The following ECPAS variants were observed in gnomAD, a reference collection of about 807,000 sequenced individuals.
ECPAS encodes the protein proteasome adapter and scaffold protein ECM29.
ECPAS carries 70 observed loss-of-function variants against 255.1 expected under a neutral mutation model. The observed-to-expected ratio is 0.27, with a 90% confidence interval of 0.23 to 0.33. The LOEUF (loss-of-function observed/expected upper bound fraction) is 0.33, where lower values mean the gene tolerates loss of function less well. ECPAS is among the 10% of genes least tolerant of loss of function. The pLI, the probability that ECPAS is intolerant of heterozygous loss-of-function variation, is 1.00. For missense variants in ECPAS, 1,817 were observed against 2,206.4 expected, an observed-to-expected ratio of 0.82 and a Z score of 3.54; for synonymous variants, 784 against 775.0, an observed-to-expected ratio of 1.01 and a Z score of -0.19.
At position 111,414,551 on chromosome 9, in the gene ECPAS, C is replaced by T. The variant is rs556215994; in HGVS notation, c.1865G>A (p.Arg622His). 156 of 1,614,000 alleles carry T rather than the reference C, an allele frequency of 9.7e-5. 1 individual carries two copies. In the South Asian group the frequency reaches 1.5e-3, roughly 15 times the overall value. ...GCTTGACATTAAAGTCCGTATGTAG[C>T]GCCCAATGGCTGGGGCATGATCCTG... Reference protein sequence around the residue: ...DMQDHAPAIGRYIRTLMSSGQ... With the variant: ...DMQDHAPAIGHYIRTLMSSGQ... The change falls in exon 19 of 50, where the codon CGC (arginine) becomes CAC (histidine). Residue 622 changes from arginine (R) to histidine (H), a missense_variant. Arg to His is a conservative substitution (Grantham distance 29, BLOSUM62 0). Around this residue, in one of 4 missense-constraint regions of ECPAS, gnomAD observed 573 missense variants for 716.2 expected, o/e 0.80. Coordinates refer to ENST00000684092, the MANE Select transcript of ECPAS (RefSeq NM_001364929.1).
Position 111,422,148 on chromosome 9 carries a change from C to T in ECPAS, c.1318G>A (p.Glu440Lys). 4 of 1,613,776 alleles carry T rather than the reference C, an allele frequency of 2.5e-6. No homozygotes were observed. Among genetic ancestry groups the T allele is most frequent in the Non-Finnish European group, 3.4e-6 (4 of 1,179,800 alleles). The change falls in exon 14 of 50, where the codon GAA (glutamate) becomes AAA (lysine). Residue 440 changes from glutamate to lysine, a missense_variant. Glu to Lys is a moderately conservative substitution (Grantham distance 56). This residue lies in a region of ECPAS where 573 missense variants were observed against 716.2 expected (regional missense o/e 0.80). Transcript: ENST00000684092. ...TGTTTCCCTACCTTGCAAAGGGCTT[C>T]AAAAAGCTGCTGCACAAGCGCTATA... ...KDIALVQQLF[E>K]ALCKEEPETR... is the part of the protein sequence containing the mutation.
In ECPAS at chr9:111,407,428, A is replaced by AAAAAAAAAAACAAAAAAAAAAAAAAAAG. The variant is rs2098186510; in HGVS notation, c.2652+1142_2652+1143insCTTTTTTTTTTTTTTTTGTTTTTTTTTT. Among the ~76,000 whole-genome samples the AAAAAAAAAAACAAAAAAAAAAAAAAAAG allele has an allele frequency of 3.0e-5, 3 of 98,726 alleles. 1 individual carries two copies. The highest frequency in any genetic ancestry group is 7.7e-5 in the Non-Finnish European group (3 of 38,762). The allele number at this position is 98,726 out of a possible 152,430, so 64.8% of individuals were successfully genotyped here. On this transcript the variant is annotated intron_variant, in intron 24 of 49. Transcript: ENST00000684092. ...GAAAAAAAAAAAAAAAAAAAAAAAA[A>AAAAAAAAAAACAAAAAAAAAAAAAAAAG]AAAAAAAAAACCTAGAAGAAACCCA...
chr9:111,375,615 T>C (rs1315316447), intron 37 of ECPAS, among the ~76,000 whole-genome samples: 2 of 152,184 alleles, frequency 1.3e-5, no homozygotes, highest in East Asian at 3.8e-4. Flanking sequence ...TTCCTATAAA[T>C]TGCTGGCCTT....
chr9:111,379,917 C>G (rs2131552980), intron 35 of ECPAS, among the ~76,000 whole-genome samples: 1 of 152,320 alleles, frequency 6.6e-6, no homozygotes, highest in South Asian at 2.1e-4. Context: ...TGACTTTCTC[C>G]AATGACATCT....
chr9:111,459,470 T>C (rs1298932979), intron 2 of ECPAS, among the ~76,000 whole-genome samples: 1 of 152,126 alleles, frequency 6.6e-6, no homozygotes, highest in African/African-American at 2.4e-5. Context: ...TACGAAATAT[T>C]TGAGAACACA....
chr9:111,451,822 G>A (rs958300603), intron 2 of ECPAS, among the ~76,000 whole-genome samples: 2 of 152,116 alleles, frequency 1.3e-5, no homozygotes, highest in Admixed American at 1.3e-4. Flanking sequence ...AGTTTTAACT[G>A]GATACTGGAA....
At position 111,361,892 on chromosome 9, in the gene ECPAS, G is replaced by A; in HGVS notation, c.*138C>T. The A allele has an allele frequency of 1.9e-6, 2 of 1,035,248 alleles. No homozygotes were observed. The highest frequency in any genetic ancestry group is 2.7e-6 in the Non-Finnish European group (2 of 743,932). 64.1% of individuals were successfully genotyped at this position (1,035,248 alleles called of 1,614,324 possible). Reference sequence around the variant, plus strand: ...AAGCTAATAAGGAACAAAATTTAAGGCTTTTTCTTTTTATTTCAGCCAAGG... The same window carrying A: ...AAGCTAATAAGGAACAAAATTTAAGACTTTTTCTTTTTATTTCAGCCAAGG... On this transcript the variant is annotated 3_prime_UTR_variant, in exon 50 of 50. Transcript: ENST00000684092.
At chr9:111,391,319 T>C (rs528929325) in intron 29 of ECPAS, among the ~76,000 whole-genome samples, 1 of 152,202 alleles carries the variant, frequency 6.6e-6, no homozygotes, top group East Asian at 1.9e-4. Context: ...GGCTCACGCC[T>C]GTAATCCCAG....
chr9:111,366,177 A>G lies in ECPAS; in HGVS notation c.5308+62T>C. 3 of 1,073,998 alleles carry G rather than the reference A, an allele frequency of 2.8e-6. No individual in the cohort carries two copies. In the East Asian group the frequency reaches 7.7e-5, roughly 28 times the overall value. 66.5% of individuals were successfully genotyped at this position (1,073,998 alleles called of 1,614,324 possible). On this transcript the variant is annotated intron_variant, in intron 48 of 49. Transcript: ENST00000684092. ...CCTAAGACAAAGTAGGAAATATTTG[A>G]AGCTCAGCTCCTTAGCTTTAAAATT...
At chr9:111,441,212 A>T (rs1465150634) in intron 5 of ECPAS, among the ~76,000 whole-genome samples, 2 of 150,850 alleles carry the variant, frequency 1.3e-5, no homozygotes, top group Non-Finnish European at 2.9e-5. Flanking sequence ...AAAAAAAAAG[A>T]ATTATTTTCG....
intron 30 of ECPAS, 108 bp downstream of exon 30, chr9:111,389,876 G>T: frequency 8.9e-7 from 1 of 1,119,234 alleles, no homozygotes; most frequent in Non-Finnish European, 1.3e-6. Context: ...TTCTCATCAG[G>T]CACAGACTTT....
intron 35 of ECPAS, among the ~76,000 whole-genome samples, chr9:111,379,767 G>C (rs2098138194): frequency 6.6e-6 from 1 of 152,166 alleles, no homozygotes; most frequent in Non-Finnish European, 1.5e-5. Flanking sequence ...ATCTTCACCA[G>C]GAGTAGCTTG....
chr9:111,442,825 T>C (rs140584834), intron 4 of ECPAS, among the ~76,000 whole-genome samples: 77 of 152,258 alleles, frequency 5.1e-4, no homozygotes, highest in African/African-American at 1.8e-3. Context: ...AGGCTGCCAT[T>C]TCCCACTGGT....
At chr9:111,445,439 T>G (rs1272385453) in intron 3 of ECPAS, among the ~76,000 whole-genome samples, 1 of 151,686 alleles carries the variant, frequency 6.6e-6, no homozygotes, top group Non-Finnish European at 1.5e-5. Context: ...ACAGTGGGTT[T>G]CCAGAAGACA....
intron 34 of ECPAS, 103 bp from the exon 35 acceptor site, chr9:111,383,435 A>G: frequency 7.2e-7 from 1 of 1,393,830 alleles, no homozygotes; most frequent in Non-Finnish European, 9.7e-7. Context: ...AGGGAAGAAT[A>G]AGTGAATCTA....
intron 2 of ECPAS, among the ~76,000 whole-genome samples, chr9:111,472,512 C>A (rs2098289942): frequency 6.6e-6 from 1 of 151,576 alleles, no homozygotes; most frequent in South Asian, 2.1e-4. Context: ...ATGGCATGCA[C>A]CTGTAGTCCC....
At chr9:111,420,560 T>G (rs1226919717) in intron 15 of ECPAS, among the ~76,000 whole-genome samples, 1 of 152,158 alleles carries the variant, frequency 6.6e-6, no homozygotes, top group South Asian at 2.1e-4. Flanking sequence ...CTACTTGGAA[T>G]CCCCACCAAT....
At chr9:111,462,177 G>A (rs149886702) in intron 2 of ECPAS, among the ~76,000 whole-genome samples, 102 of 152,262 alleles carry the variant, frequency 6.7e-4, no homozygotes, top group African/African-American at 2.0e-3. Context: ...TCATTACCTC[G>A]AGATAGGAAA....
Position 111,412,050 on chromosome 9 carries a change from C to T in ECPAS, c.2178G>A (p.Met726Ile). The change falls in exon 21 of 50, where the codon ATG becomes ATA. Residue 726 changes from methionine (M) to isoleucine (I), a missense_variant. Physicochemically the swap from Met to Ile is conservative, Grantham distance 10. Coordinates refer to ENST00000684092, the MANE Select transcript of ECPAS (RefSeq NM_001364929.1). ...STVSGNELKS[M>I]IEQLIKTTKD... ...TTGTAGTCTTTATAAGCTGTTCTAT[C>T]ATTGATTTCAACTCATTCCCCGACA... 6.3e-7 allele frequency: 1 copy of T among 1,586,544 alleles called. No homozygotes were observed. The highest frequency in any genetic ancestry group is 8.5e-7 in the Non-Finnish European group (1 of 1,172,462).
Sources: allele counts gnomAD v4.1 joint callset (sites outside exome capture counted in the v4.1 genomes callset), GRCh38; gene constraint gnomAD v4.1.1; regional missense constraint gnomAD v4.1.1; transcripts MANE v1.5; gene names NCBI Gene and HGNC (gene_info 2026-07-23, HGNC 2026-07-21).